CTNNA2: variants seen among roughly 807,000 people sequenced by gnomAD.
CTNNA2 encodes catenin alpha 2, also known as catenin alpha-2.
In CTNNA2, 42 loss-of-function variants were observed where a neutral mutation model predicts 101.0. The ratio of observed to expected loss-of-function variants is 0.42; its 90% confidence interval spans 0.32 to 0.54. CTNNA2 has a LOEUF of 0.54. CTNNA2 is among the 20% of genes least tolerant of loss of function. The pLI is 0.14. For synonymous variants in CTNNA2, 450 were observed against 456.4 expected, an observed-to-expected ratio of 0.99 and a Z score of 0.18; for missense variants, 871 against 1,223.1, an observed-to-expected ratio of 0.71 and a Z score of 4.29.
intron 3 of CTNNA2, among the ~76,000 whole-genome samples, chr2:79,797,837 T>A (rs999285932): frequency 5.3e-5 from 8 of 152,324 alleles, no homozygotes; most frequent in African/African-American, 1.9e-4. Flanking sequence ...TATTATTAGA[T>A]GCTTTAGGAT....
At chr2:80,198,575 T>C (rs79264375) in intron 7 of CTNNA2, among the ~76,000 whole-genome samples, 4,340 of 152,286 alleles carry the variant, frequency 0.028, 208 homozygotes, top group African/African-American at 0.098. Flanking sequence ...ACAGTGTGCT[T>C]TTCAACATTC....
intron 7 of CTNNA2, among the ~76,000 whole-genome samples, chr2:80,141,258 A>G (rs114244061): frequency 0.01 from 1,586 of 152,112 alleles, 32 homozygotes; most frequent in African/African-American, 0.035. Context: ...TCAAATAAAT[A>G]TTAGTCTTTG....
intron 8 of CTNNA2, among the ~76,000 whole-genome samples, chr2:80,410,814 C>T (rs894445751): frequency 5.3e-5 from 8 of 152,276 alleles, no homozygotes; most frequent in African/African-American, 1.9e-4. Flanking sequence ...TTCAAGATGT[C>T]CCTGGTCCTG....
intron 7 of CTNNA2, among the ~76,000 whole-genome samples, chr2:79,942,557 G>A (rs920570939): frequency 6.6e-6 from 1 of 152,186 alleles, no homozygotes; most frequent in Non-Finnish European, 1.5e-5. Flanking sequence ...ACCAGGCCAG[G>A]TACTCTGATG....
chr2:79,382,846 C>T (rs1192725497), intron 4 of CTNNA2, among the ~76,000 whole-genome samples: 3 of 152,164 alleles, frequency 2.0e-5, no homozygotes, highest in Non-Finnish European at 2.9e-5. Context: ...GATTTCCTGA[C>T]TTCGTGATCC....
At chr2:80,402,828 A>G (rs938998694) in intron 8 of CTNNA2, among the ~76,000 whole-genome samples, 2 of 148,600 alleles carry the variant, frequency 1.3e-5, no homozygotes, top group East Asian at 1.9e-4. Context: ...ATATTTATAT[A>G]TTTCTTATTA....
At chr2:79,432,824 C>T (rs2104511420) in intron 4 of CTNNA2, among the ~76,000 whole-genome samples, 1 of 152,286 alleles carries the variant, frequency 6.6e-6, no homozygotes, top group Middle Eastern at 3.4e-3. Flanking sequence ...GTTTTTTGTA[C>T]TTTCATCTAC....
chr2:79,948,689 C>A (rs530267890), intron 7 of CTNNA2, among the ~76,000 whole-genome samples: 1 of 152,292 alleles, frequency 6.6e-6, no homozygotes, highest in Admixed American at 6.5e-5. Flanking sequence ...TCACCTGTTG[C>A]TGGGTGCGGT....
intron 2 of CTNNA2, among the ~76,000 whole-genome samples, chr2:79,716,350 G>T (rs530164828): frequency 6.6e-6 from 1 of 152,092 alleles, no homozygotes; most frequent in Non-Finnish European, 1.5e-5. Flanking sequence ...CATGTGCCAC[G>T]GTGGTTTGCT....
intron 2 of CTNNA2, among the ~76,000 whole-genome samples, chr2:79,302,123 TA>T (rs1159096981): frequency 6.6e-6 from 1 of 151,652 alleles, no homozygotes; most frequent in Non-Finnish European, 1.5e-5. Context: ...AATAAGTAAA[TA>T]AATAAATAAA....
intron 3 of CTNNA2, among the ~76,000 whole-genome samples, chr2:79,835,825 G>A (rs1056816203): frequency 2.0e-5 from 3 of 151,716 alleles, no homozygotes; most frequent in Non-Finnish European, 4.4e-5. Context: ...TAGAGACAGG[G>A]TTTCACCATG....
chr2:80,572,747 A>G (rs1004814272), intron 12 of CTNNA2: 1 of 152,178 alleles, frequency 6.6e-6, no homozygotes, highest in African/African-American at 2.4e-5. Context: ...ATATTTCCCA[A>G]ATTCTTTTAT....
chr2:79,388,998 C>G (rs934890726), intron 4 of CTNNA2, among the ~76,000 whole-genome samples: 5 of 152,112 alleles, frequency 3.3e-5, no homozygotes, highest in African/African-American at 9.7e-5. Flanking sequence ...TGGGGTTACA[C>G]AGTGCACAGA....
At chr2:80,044,312 T>A (rs936167752) in intron 7 of CTNNA2, among the ~76,000 whole-genome samples, 2 of 152,168 alleles carry the variant, frequency 1.3e-5, no homozygotes, top group Non-Finnish European at 2.9e-5. Context: ...TATAGGTTTT[T>A]GCTGTATGAT....
At chr2:79,340,494 C>T (rs945549241) in intron 3 of CTNNA2, among the ~76,000 whole-genome samples, 1 of 152,004 alleles carries the variant, frequency 6.6e-6, no homozygotes, top group African/African-American at 2.4e-5. Flanking sequence ...TTATCAGCCC[C>T]AATATGAAGG....
At position 80,237,339 on chromosome 2, in the gene CTNNA2, G is replaced by A. The variant is rs1709599800; in HGVS notation, c.1057-155872G>A. ...AGTACCCAAATTACAATGGTTCAAT[G>A]CATGATATTTTGACTTTAGGATGGG... On this transcript the variant is annotated intron_variant, in intron 7 of 18. Coordinates refer to ENST00000402739, the MANE Select transcript of CTNNA2 (RefSeq NM_001282597.3). 2.0e-5 allele frequency among the ~76,000 whole-genome samples: 3 copies of A among 152,144 alleles called. No individual in the cohort carries two copies. The South Asian group carries it at 6.2e-4, about 32-fold the overall frequency.
intron 2 of CTNNA2, among the ~76,000 whole-genome samples, chr2:79,249,001 C>G (rs1030755730): frequency 3.3e-5 from 5 of 152,156 alleles, no homozygotes; most frequent in East Asian, 1.9e-4. Context: ...ACTCTCTGCT[C>G]TAATGTGGAC....
At chr2:79,436,558 A>G (rs1678716743) in intron 4 of CTNNA2, among the ~76,000 whole-genome samples, 1 of 152,056 alleles carries the variant, frequency 6.6e-6, no homozygotes, top group Non-Finnish European at 1.5e-5. Context: ...GATTTTCAAA[A>G]TCTCCTCATG....
At chr2:79,517,796 A>G (rs376799621) in intron 1 of CTNNA2, among the ~76,000 whole-genome samples, 36 of 152,224 alleles carry the variant, frequency 2.4e-4, no homozygotes, top group African/African-American at 8.2e-4. Flanking sequence ...AGACACCTTA[A>G]TTTTCTAGGG....
Sources: allele counts gnomAD v4.1 joint callset (sites outside exome capture counted in the v4.1 genomes callset), GRCh38; gene constraint gnomAD v4.1.1; transcripts MANE v1.5; gene names NCBI Gene and HGNC (gene_info 2026-07-23, HGNC 2026-07-21).